The following GABRB1 variants were observed in gnomAD, a reference collection of about 807,000 sequenced individuals.
The protein encoded by GABRB1 is gamma-aminobutyric acid receptor subunit beta-1.
Under a neutral mutation model 51.6 loss-of-function variants are expected in GABRB1, and 17 were observed. The observed-to-expected ratio is 0.33, with a 90% confidence interval of 0.23 to 0.49. The LOEUF (loss-of-function observed/expected upper bound fraction) is 0.49. GABRB1 is among the 20% of genes least tolerant of loss of function. The probability of loss-of-function intolerance (pLI) is 0.99; values close to 1 mark genes in which losing one functional copy is unlikely to be tolerated. For synonymous variants in GABRB1, 247 were observed against 218.9 expected (o/e 1.13, Z -1.14); for missense variants, 410 against 600.6 (o/e 0.68, Z 3.32).
intron 5 of GABRB1, among the ~76,000 whole-genome samples, chr4:47,364,790 G>C (rs1726921222): frequency 6.6e-6 from 1 of 151,944 alleles, no homozygotes; most frequent in Admixed American, 6.6e-5. Context: ...GCAATACTTA[G>C]AAGATGCGCA....
At chr4:47,102,547 T>G (rs945952751) in intron 3 of GABRB1, among the ~76,000 whole-genome samples, 1 of 151,974 alleles carries the variant, frequency 6.6e-6, no homozygotes, top group Non-Finnish European at 1.5e-5. Context: ...CAGGGTTAGA[T>G]TCCAGAGAAA....
chr4:47,083,962 T>C (rs1727959979), intron 3 of GABRB1, among the ~76,000 whole-genome samples: 1 of 152,098 alleles, frequency 6.6e-6, no homozygotes, highest in Non-Finnish European at 1.5e-5. Flanking sequence ...TGGGATAGTC[T>C]GTAACTATAT....
chr4:47,176,300 A>AACAAAGATAATTAAC (rs1367886091), intron 4 of GABRB1, among the ~76,000 whole-genome samples: 1 of 152,152 alleles, frequency 6.6e-6, no homozygotes, highest in Admixed American at 6.6e-5. Context: ...AATTTATTAA[A>AACAAAGATAATTAAC]ACAAAGATAA....
At chr4:47,296,002 C>T (rs1723977040) in intron 4 of GABRB1, among the ~76,000 whole-genome samples, 1 of 152,044 alleles carries the variant, frequency 6.6e-6, no homozygotes, top group Non-Finnish European at 1.5e-5. Flanking sequence ...CATATCCAGC[C>T]AAACTAAGCT....
At chr4:47,199,793 A>G (rs764944647) in intron 4 of GABRB1, among the ~76,000 whole-genome samples, 2 of 152,126 alleles carry the variant, frequency 1.3e-5, no homozygotes, top group African/African-American at 2.4e-5. Context: ...GAAATGTTCA[A>G]TGTTGGAAGA....
At chr4:47,359,930 T>A (rs558628852) in intron 5 of GABRB1, among the ~76,000 whole-genome samples, 53 of 152,154 alleles carry the variant, frequency 3.5e-4, no homozygotes, top group African/African-American at 9.6e-4. Flanking sequence ...AAGCAAAAAA[T>A]GATCTGTGTT....
chr4:47,412,998 G>A (rs192764713), intron 8 of GABRB1, among the ~76,000 whole-genome samples: 23 of 152,234 alleles, frequency 1.5e-4, no homozygotes, highest in South Asian at 1.5e-3. Flanking sequence ...TACTGTACTC[G>A]GGTGAAAAAG....
intron 4 of GABRB1, among the ~76,000 whole-genome samples, chr4:47,227,978 C>A (rs990166288): frequency 2.6e-5 from 4 of 152,112 alleles, no homozygotes; most frequent in Non-Finnish European, 5.9e-5. Flanking sequence ...CTCATTTTAA[C>A]GTAATTATCT....
rs1031034147 is a variant in GABRB1 at position 47,425,844 on chromosome 4, C to T, written c.1251C>T (p.Ala417=). Residue 417 remains alanine, a synonymous_variant, in exon 9 of 9, where the codon GCC becomes GCT. Coordinates refer to ENST00000295454, the MANE Select transcript of GABRB1 (RefSeq NM_000812.4). The stretch of plus-strand genomic sequence containing the variant: ...GCAGCCGCGAGGCCTACGGGCGCGC[C>T]CTGGACCGGCACGGGGTACCCAGCA... ...PLSSREAYGR[A]LDRHGVPSKG... is the part of the protein sequence containing the mutation. 12 of 1,614,110 alleles carry T rather than the reference C, an allele frequency of 7.4e-6. No homozygotes were observed. The Admixed American group carries it at 1.3e-4, about 18-fold the overall frequency.
intron 3 of GABRB1, among the ~76,000 whole-genome samples, chr4:47,135,198 AT>A (rs1179838416): frequency 6.6e-6 from 1 of 152,148 alleles, no homozygotes; most frequent in South Asian, 2.1e-4. Context: ...TGACTTGGAT[AT>A]TTTTTAATGA....
At chr4:47,092,274 A>G (rs1367083576) in intron 3 of GABRB1, among the ~76,000 whole-genome samples, 1 of 145,724 alleles carries the variant, frequency 6.9e-6, no homozygotes, top group Non-Finnish European at 1.5e-5. Context: ...CCTGGTTCAA[A>G]TGATTCTCCT....
chr4:47,074,165 C>T lies in GABRB1; in HGVS notation c.240+41681C>T, dbSNP rs180670652. 6.5e-3 allele frequency among the ~76,000 whole-genome samples: 985 copies of T among 152,180 alleles called. 10 individuals carry two copies. The highest frequency in any genetic ancestry group is 0.022 in the African/African-American group (930 of 41,522). On this transcript the variant is annotated intron_variant, in intron 3 of 8. Transcript: ENST00000295454. ...TTTCTCACAAACGGAACAGTGAATGCTTTTCATATAGAAAAAACATCCCTA... is the reference window on the plus strand; with the variant it reads ...TTTCTCACAAACGGAACAGTGAATGTTTTTCATATAGAAAAAACATCCCTA...
chr4:46,996,456 T>C (rs1295720757), intron 1 of GABRB1, among the ~76,000 whole-genome samples: 1 of 152,178 alleles, frequency 6.6e-6, no homozygotes, highest in African/African-American at 2.4e-5. Flanking sequence ...ATGGACACTT[T>C]AAAGCCCACA....
intron 5 of GABRB1, among the ~76,000 whole-genome samples, chr4:47,379,339 G>A (rs1334940811): frequency 6.6e-6 from 1 of 152,064 alleles, no homozygotes; most frequent in Admixed American, 6.5e-5. Context: ...ACCATACTTT[G>A]AGTACCAATA....
chr4:47,199,697 C>T (rs535702043), intron 4 of GABRB1, among the ~76,000 whole-genome samples: 24 of 152,098 alleles, frequency 1.6e-4, no homozygotes, highest in South Asian at 6.2e-4. Context: ...ATGTGGTCTG[C>T]GAGCATGTGC....
intron 4 of GABRB1, among the ~76,000 whole-genome samples, chr4:47,207,060 T>G (rs1720156213): frequency 6.6e-6 from 1 of 151,866 alleles, no homozygotes; most frequent in East Asian, 1.9e-4. Context: ...CGAACCTAAG[T>G]CTTTCTTGAC....
At chr4:47,074,388 C>T (rs1484556694) in intron 3 of GABRB1, among the ~76,000 whole-genome samples, 1 of 152,130 alleles carries the variant, frequency 6.6e-6, no homozygotes, top group Non-Finnish European at 1.5e-5. Context: ...TGTTTGATTT[C>T]CTTGCATTAA....
At chr4:47,243,894 G>T (rs1721637283) in intron 4 of GABRB1, among the ~76,000 whole-genome samples, 5 of 152,116 alleles carry the variant, frequency 3.3e-5, no homozygotes, top group Admixed American at 2.6e-4. Flanking sequence ...CTGCCTGATT[G>T]CCCTGGCCAG....
upstream of GABRB1, among the ~76,000 whole-genome samples, chr4:47,030,448 A>G (rs949983326): frequency 6.6e-6 from 1 of 152,206 alleles, no homozygotes; most frequent in Non-Finnish European, 1.5e-5. Flanking sequence ...GCAGCAGACT[A>G]TAATAGGAGT....
Sources: allele counts gnomAD v4.1 joint callset (sites outside exome capture counted in the v4.1 genomes callset), GRCh38; gene constraint gnomAD v4.1.1; transcripts MANE v1.5; gene names NCBI Gene and HGNC (gene_info 2026-07-23, HGNC 2026-07-21).